SPATA13: variants seen among roughly 807,000 people sequenced by gnomAD.
SPATA13 encodes the protein spermatogenesis associated 13, also known as spermatogenesis-associated protein 13.
SPATA13 carries 50 observed loss-of-function variants against 104.0 expected under a neutral mutation model. The ratio of observed to expected loss-of-function variants is 0.48; its 90% confidence interval spans 0.38 to 0.61. The LOEUF is 0.61. SPATA13 is among the 20% of genes least tolerant of loss of function. The pLI, the probability that SPATA13 is intolerant of heterozygous loss-of-function variation, is 0.00. For missense variants in SPATA13, 1,524 were observed against 1,690.6 expected (o/e 0.90, Z 1.73); for synonymous variants, 606 against 667.5 (o/e 0.91, Z 1.42).
intron 2 of SPATA13, among the ~76,000 whole-genome samples, chr13:24,238,945 A>G (rs1872704075): frequency 6.6e-6 from 1 of 152,156 alleles, no homozygotes; most frequent in African/African-American, 2.4e-5. Flanking sequence ...TTCCTTTGTG[A>G]TGGCTCCTGT....
intron 4 of SPATA13, among the ~76,000 whole-genome samples, chr13:24,256,773 C>T (rs189230383): frequency 1.8e-4 from 27 of 152,298 alleles, no homozygotes; most frequent in Non-Finnish European, 3.5e-4. Context: ...TTGTAGGCTA[C>T]TGGGTGTGTT....
chr13:24,036,871 G>A (rs1007418230), intron 3 of SPATA13, among the ~76,000 whole-genome samples: 2 of 151,964 alleles, frequency 1.3e-5, no homozygotes, highest in Non-Finnish European at 2.9e-5. Flanking sequence ...CACCTCCTGG[G>A]TTCAAGCGAT....
rs181141322 is a variant in SPATA13, at chr13:24,281,938, T to C, written c.2165-2197T>C. 2.6e-5 allele frequency among the ~76,000 whole-genome samples: 4 copies of C among 152,334 alleles called. No homozygotes were observed. In the East Asian group the frequency reaches 7.7e-4, roughly 29 times the overall value. On this transcript the variant is annotated intron_variant, in intron 4 of 12. Transcript: ENST00000382108. ...ACTCCTCCTCATCATGACAGCCCTG[T>C]CTGTGCTTGGCAAGGAAGACCTAAA...
chr13:24,097,163 C>A (rs1022825), intron 3 of SPATA13, among the ~76,000 whole-genome samples: 64,605 of 151,858 alleles, frequency 0.43, 14,064 homozygotes, highest in Non-Finnish European at 0.47. Flanking sequence ...TCAGTGCACC[C>A]GGCATGGGTG....
intron 2 of SPATA13, among the ~76,000 whole-genome samples, chr13:24,238,733 G>A (rs1386014584): frequency 1.3e-5 from 2 of 152,074 alleles, no homozygotes; most frequent in South Asian, 2.1e-4. Flanking sequence ...TGTTTTTCAC[G>A]TTTACTCACA....
At chr13:23,995,228 T>C (rs943119425) in intron 2 of SPATA13, among the ~76,000 whole-genome samples, 1 of 152,124 alleles carries the variant, frequency 6.6e-6, no homozygotes. Context: ...TTATTTATCA[T>C]ACTTAGCTGA....
intron 3 of SPATA13, among the ~76,000 whole-genome samples, chr13:24,107,055 G>A (rs191141661): frequency 1.3e-5 from 2 of 150,152 alleles, no homozygotes; most frequent in African/African-American, 4.9e-5. Flanking sequence ...ATAAGGACGG[G>A]GAAAAAAAAA....
intron 3 of SPATA13, among the ~76,000 whole-genome samples, chr13:24,057,411 G>A (rs1319826709): frequency 6.6e-6 from 1 of 152,160 alleles, no homozygotes; most frequent in Non-Finnish European, 1.5e-5. Context: ...TTCTAGTGAG[G>A]TGGTTTTCTG....
chr13:24,196,019 T>C (rs1289713505), intron 1 of SPATA13, among the ~76,000 whole-genome samples: 1 of 152,216 alleles, frequency 6.6e-6, no homozygotes, highest in Non-Finnish European at 1.5e-5. Flanking sequence ...TGGGGAAAAC[T>C]GTAACTTGAT....
chr13:24,027,174 G>A (rs1192008222), intron 3 of SPATA13, among the ~76,000 whole-genome samples: 4 of 123,840 alleles, frequency 3.2e-5, no homozygotes, highest in Admixed American at 9.9e-5. Context: ...TAGCTCGGTC[G>A]TCCAGGCTGG....
intron 3 of SPATA13, among the ~76,000 whole-genome samples, chr13:24,125,106 C>CA (rs1278705326): frequency 6.6e-6 from 1 of 152,240 alleles, no homozygotes; most frequent in Non-Finnish European, 1.5e-5. Context: ...CCTTTCTCTC[C>CA]AACCCCTGGA....
intron 1 of SPATA13, among the ~76,000 whole-genome samples, chr13:24,172,284 A>C (rs1321773309): frequency 6.6e-6 from 1 of 152,240 alleles, no homozygotes; most frequent in African/African-American, 2.4e-5. Flanking sequence ...TGTGGTTTGC[A>C]AATGTTTTCT....
chr13:24,086,283 A>G (rs368100306), intron 3 of SPATA13, among the ~76,000 whole-genome samples: 19 of 152,332 alleles, frequency 1.2e-4, no homozygotes, highest in African/African-American at 4.6e-4. Context: ...TCTTGCTAAA[A>G]AAAGGGATCT....
At chr13:24,142,461 C>G (rs747663541) in intron 3 of SPATA13, among the ~76,000 whole-genome samples, 24 of 152,126 alleles carry the variant, frequency 1.6e-4, no homozygotes, top group African/African-American at 5.3e-4. Flanking sequence ...ATTTCTCCCC[C>G]CTCAGTTTTG....
intron 2 of SPATA13, among the ~76,000 whole-genome samples, chr13:24,229,067 C>T (rs542074093): frequency 1.3e-5 from 2 of 152,186 alleles, no homozygotes; most frequent in Non-Finnish European, 2.9e-5. Flanking sequence ...AGTACTTAAG[C>T]TTGTGACCTG....
At chr13:23,990,616 A>G (rs754134) in intron 2 of SPATA13, among the ~76,000 whole-genome samples, 79,061 of 152,022 alleles carry the variant, frequency 0.52, 20,762 homozygotes, top group African/African-American at 0.58. Context: ...GATTCTTCTC[A>G]GATCCAGCAT....
intron 4 of SPATA13, among the ~76,000 whole-genome samples, 169 bp from the exon 5 acceptor site, chr13:24,283,966 T>G (rs1276596851): frequency 6.6e-6 from 1 of 152,256 alleles, no homozygotes; most frequent in Non-Finnish European, 1.5e-5. Context: ...CACACTTAAC[T>G]GCAGCTCTTA....
Position 24,205,339 on chromosome 13 carries a change from C to A in SPATA13, c.-111-17480C>A, listed in dbSNP as rs1431189432. 6.6e-6 allele frequency among the ~76,000 whole-genome samples: 1 copy of A among 152,166 alleles called. No individual in the cohort carries two copies. The highest frequency in any genetic ancestry group is 2.4e-5 in the African/African-American group (1 of 41,446). ...CAAGCCATGAAAGAATTTCCATTTA[C>A]AATTGCCACCAAAACAATAAAATAC... On this transcript the variant is annotated intron_variant, in intron 1 of 12. Coordinates refer to ENST00000382108, the MANE Select transcript of SPATA13 (RefSeq NM_001166271.3). The surrounding 1 kb of genome is among the most constrained non-coding windows in gnomAD (Gnocchi z 4.1).
chr13:24,025,639 T>C (rs898524353), intron 3 of SPATA13, among the ~76,000 whole-genome samples: 1 of 152,234 alleles, frequency 6.6e-6, no homozygotes, highest in Non-Finnish European at 1.5e-5. Flanking sequence ...GTATTCCTGG[T>C]TTTCAAATTT....
Sources: allele counts gnomAD v4.1 joint callset (sites outside exome capture counted in the v4.1 genomes callset), GRCh38; gene constraint gnomAD v4.1.1; non-coding constraint Gnocchi (gnomAD v3.1); transcripts MANE v1.5; gene names NCBI Gene and HGNC (gene_info 2026-07-23, HGNC 2026-07-21).